Variants in SPPL2B observed in about 807,000 individuals in gnomAD.
SPPL2B encodes the protein signal peptide peptidase like 2B.
In SPPL2B, 39 loss-of-function variants were observed where a neutral mutation model predicts 59.7. That is an observed-to-expected ratio of 0.65 (90% CI 0.51 to 0.85). The LOEUF is 0.85. SPPL2B is among the 40% of genes least tolerant of loss of function. The probability of loss-of-function intolerance (pLI) is 0.00; values close to 1 mark genes in which losing one functional copy is unlikely to be tolerated. For synonymous variants in SPPL2B, 419 were observed against 370.8 expected, an observed-to-expected ratio of 1.13 and a Z score of -1.49; for missense variants, 865 against 849.0, an observed-to-expected ratio of 1.02 and a Z score of -0.23.
chr19:2,334,273 G>A (rs1436870407), intron 1 of SPPL2B, among the ~76,000 whole-genome samples: 2 of 152,184 alleles, frequency 1.3e-5, no homozygotes, highest in African/African-American at 2.4e-5. Context: ...TTCTCCCACC[G>A]TGCCCACTGA....
At chr19:2,336,400 G>T (rs1043639313) in intron 2 of SPPL2B, among the ~76,000 whole-genome samples, 1 of 152,110 alleles carries the variant, frequency 6.6e-6, no homozygotes, top group South Asian at 2.1e-4. Context: ...CTGTGTGTAT[G>T]TGTGTGTACA....
intron 8 of SPPL2B, 190 bp downstream of exon 8, chr19:2,341,204 C>G (rs747538311): frequency 1.4e-6 from 1 of 694,110 alleles, no homozygotes. Context: ...TGGGGTTTGT[C>G]CGGGTGTCAT....
chr19:2,336,095 G>A (rs964834298), intron 2 of SPPL2B, among the ~76,000 whole-genome samples: 2 of 152,262 alleles, frequency 1.3e-5, no homozygotes, highest in African/African-American at 4.8e-5. Context: ...ATGTGTACTA[G>A]ATATGTGCAT....
chr19:2,339,777 T>C, intron 5 of SPPL2B, 47 bp from the exon 6 acceptor site: 1 of 1,583,498 alleles, frequency 6.3e-7, no homozygotes, highest in Non-Finnish European at 8.6e-7. Flanking sequence ...GAGCCCCGTG[T>C]CGGCCAGCCG....
intron 2 of SPPL2B, among the ~76,000 whole-genome samples, chr19:2,336,876 C>T (rs549374487): frequency 2.9e-5 from 4 of 137,348 alleles, no homozygotes; most frequent in Admixed American, 1.5e-4. Context: ...TGGGTGTGTG[C>T]GTGTGCACTG....
At chr19:2,341,095 C>T in intron 8 of SPPL2B, 81 bp downstream of exon 8, 1 of 1,016,808 alleles carries the variant, frequency 9.8e-7, no homozygotes, top group Non-Finnish European at 1.5e-6. Context: ...GACTCCCTGC[C>T]CTCCCTGGAG....
chr19:2,341,053 G>A (rs1363015523), intron 8 of SPPL2B, 39 bp downstream of exon 8: 1 of 1,449,344 alleles, frequency 6.9e-7, no homozygotes, highest in Non-Finnish European at 9.6e-7. Context: ...GGGCAGCGGA[G>A]TCCTCGGGTG....
intron 14 of SPPL2B, 84 bp downstream of exon 14, chr19:2,351,678 A>G: frequency 6.5e-7 from 1 of 1,527,124 alleles, no homozygotes; most frequent in Non-Finnish European, 8.8e-7. Context: ...ACCTCCAGCC[A>G]CAGCCAGCCC....
intron 4 of SPPL2B, 37 bp from the exon 5 acceptor site, chr19:2,339,032 G>A: frequency 1.3e-6 from 2 of 1,535,774 alleles, no homozygotes; most frequent in African/African-American, 1.4e-5. Context: ...CTGGCGGGTG[G>A]CTCTGACGCC....
intron 13 of SPPL2B, among the ~76,000 whole-genome samples, chr19:2,346,105 C>T (rs1599238103): frequency 1.3e-5 from 2 of 152,302 alleles, no homozygotes; most frequent in South Asian, 2.1e-4. Flanking sequence ...ATCTGTTGAC[C>T]CACATTGTTT....
At chr19:2,351,052 C>G (rs908287331) in intron 13 of SPPL2B, among the ~76,000 whole-genome samples, 1 of 152,236 alleles carries the variant, frequency 6.6e-6, no homozygotes, top group Non-Finnish European at 1.5e-5. Flanking sequence ...CATGTGTCAC[C>G]TTCGGCTGAT....
In SPPL2B at chr19:2,343,192, A is replaced by T. The variant is rs140304975; in HGVS notation, c.957-19A>T. 5,004 of 1,550,112 alleles carry T rather than the reference A, an allele frequency of 3.2e-3. 15 individuals carry two copies. The highest frequency in any genetic ancestry group is 4.0e-3 in the Non-Finnish European group (4,603 of 1,146,228). On this transcript the variant is annotated intron_variant, in intron 8 of 14. Transcript: ENST00000613503. Reference sequence around the variant, plus strand: ...TCAGCCAGCCTCTGCCCCGGCGAGGATGCTGCTTTGTCTTGCAGGTGGGCC... The same window carrying T: ...TCAGCCAGCCTCTGCCCCGGCGAGGTTGCTGCTTTGTCTTGCAGGTGGGCC...
chr19:2,341,336 G>A (rs750626050), intron 8 of SPPL2B: 36 of 548,864 alleles, frequency 6.6e-5, no homozygotes, highest in Non-Finnish European at 9.8e-5. Flanking sequence ...TCTGTCCCCC[G>A]CTGTCCCTTT....
chr19:2,329,011 A>AC (rs958174415), intron 1 of SPPL2B, among the ~76,000 whole-genome samples: 4 of 151,476 alleles, frequency 2.6e-5, no homozygotes, highest in African/African-American at 9.7e-5. Context: ...AGCGCCACTC[A>AC]CTTCCCACCG....
At position 2,338,740 on chromosome 19, in the gene SPPL2B, C is replaced by T. The variant is rs1968807761; in HGVS notation, c.370-12C>T. The T allele has an allele frequency of 1.2e-6, 2 of 1,603,992 alleles. No homozygotes were observed. The highest frequency in any genetic ancestry group is 1.3e-5 in the African/African-American group (1 of 74,704). On this transcript the variant is annotated splice_polypyrimidine_tract_variant and intron_variant, in intron 3 of 14. Coordinates refer to ENST00000613503, the MANE Select transcript of SPPL2B (RefSeq NM_152988.3). ...CGGGTGATGCCTGCCGCTCCCTCCT[C>T]TGGGCCCCCAGGTCCCCCCGGGGGG...
Position 2,351,442 on chromosome 19 carries a change from G to A in SPPL2B, c.1363G>A (p.Val455Ile), listed in dbSNP as rs371584543. Residue 455 changes from valine (V) to isoleucine (I), a missense_variant, in exon 14 of 15, where the codon GTT becomes ATT. Physicochemically the swap from Val to Ile is conservative, Grantham distance 29. Transcript: ENST00000613503. ...YFVACTIAYG[V>I]GLLVTFVALA... is the part of the protein sequence containing the mutation. The stretch of plus-strand genomic sequence containing the variant: ...CTCCTCTGTCCCCACAGCCTATGGC[G>A]TTGGCCTCCTTGTGACATTCGTGGC... The A allele has an allele frequency of 1.9e-5, 30 of 1,605,262 alleles. No homozygotes were observed. The highest frequency in any genetic ancestry group is 6.6e-5 in the South Asian group (6 of 90,642).
At chr19:2,343,405 C>A in intron 9 of SPPL2B, 113 bp downstream of exon 9, 2 of 923,976 alleles carry the variant, frequency 2.2e-6, no homozygotes, top group South Asian at 1.5e-5. Context: ...TGCTCACTGC[C>A]CTGGGGATGG....
In SPPL2B at chr19:2,340,991, G is replaced by A; in HGVS notation, c.933G>A (p.Trp311Ter). The A allele has an allele frequency of 1.2e-6, 2 of 1,604,754 alleles. No individual in the cohort carries two copies. The highest frequency in any genetic ancestry group is 1.7e-6 in the Non-Finnish European group (2 of 1,179,544). ...TCTGCGTGGCCGTCAGCGTGGTGTGGGGCGTCTTCCGCAACGAGGACCAGT... is the reference window on the plus strand; with the variant it reads ...TCTGCGTGGCCGTCAGCGTGGTGTGAGGCGTCTTCCGCAACGAGGACCAGT... ...ALFCVAVSVV[W>*]GVFRNEDQWA... Residue 311 changes from tryptophan (W) to a stop codon, truncating the protein, a stop_gained, in exon 8 of 15, where the codon TGG becomes TGA. Transcript: ENST00000613503. LOFTEE classifies it high-confidence loss of function.
intron 13 of SPPL2B, among the ~76,000 whole-genome samples, chr19:2,345,848 A>C: frequency 7.3e-6 from 1 of 137,100 alleles, no homozygotes; most frequent in African/African-American, 2.8e-5. Context: ...TGTCTTTCTC[A>C]TTCTCCCTGG....
Sources: gnomAD v4.1 joint callset for allele counts (sites outside exome capture counted in the v4.1 genomes callset) on GRCh38, gnomAD v4.1.1 for gene constraint, MANE v1.5 for transcripts, NCBI Gene and HGNC (gene_info 2026-07-23, HGNC 2026-07-21) for gene names.